EYS: variants seen among roughly 807,000 people sequenced by gnomAD.
EYS encodes protein eyes shut homolog.
In EYS, 250 loss-of-function variants were observed where a neutral mutation model predicts 282.1. That is an observed-to-expected ratio of 0.89 (90% confidence interval 0.80 to 0.98). EYS has a LOEUF of 0.98. EYS is among the 50% of genes least tolerant of loss of function. EYS has a pLI of 0.00. For missense variants in EYS, 4,016 were observed against 3,709.0 expected, an observed-to-expected ratio of 1.08 and a Z score of -2.15; for synonymous variants, 1,355 against 1,282.9, an observed-to-expected ratio of 1.06 and a Z score of -1.20.
intron 5 of EYS, among the ~76,000 whole-genome samples, chr6:65,406,873 T>G (rs946908928): frequency 6.6e-6 from 1 of 152,182 alleles, no homozygotes; most frequent in Non-Finnish European, 1.5e-5. Context: ...AGCTATATAG[T>G]AGGTTTTGAA....
intron 22 of EYS, among the ~76,000 whole-genome samples, chr6:64,788,675 C>G (rs1004392066): frequency 2.0e-5 from 3 of 152,130 alleles, no homozygotes; most frequent in Non-Finnish European, 4.4e-5. Flanking sequence ...GTCTCCAATT[C>G]TCCATCTTTT....
chr6:64,243,937 T>G (rs1766921757), intron 30 of EYS, among the ~76,000 whole-genome samples: 1 of 152,188 alleles, frequency 6.6e-6, no homozygotes, highest in Non-Finnish European at 1.5e-5. Context: ...AATATCATCA[T>G]ACAAATATCT....
intron 13 of EYS, among the ~76,000 whole-genome samples, chr6:64,999,554 C>T (rs554647242): frequency 1.3e-5 from 2 of 152,254 alleles, no homozygotes; most frequent in African/African-American, 2.4e-5. Flanking sequence ...TGCCTTTATG[C>T]CAGAATGTTG....
intron 15 of EYS, among the ~76,000 whole-genome samples, chr6:64,925,636 G>A (rs761100400): frequency 6.6e-6 from 1 of 152,166 alleles, no homozygotes; most frequent in Non-Finnish European, 1.5e-5. Flanking sequence ...TTATAGGTGA[G>A]AGCCAGATGG....
chr6:65,628,906 T>C (rs1450542596), intron 2 of EYS, among the ~76,000 whole-genome samples: 1 of 152,234 alleles, frequency 6.6e-6, no homozygotes, highest in Non-Finnish European at 1.5e-5. Flanking sequence ...AATAATTCAA[T>C]GGTTTTCATG....
chr6:65,378,625 G>C (rs1047498678), intron 8 of EYS, among the ~76,000 whole-genome samples: 35 of 152,092 alleles, frequency 2.3e-4, no homozygotes, highest in African/African-American at 8.5e-4. Context: ...CAAAGACTTG[G>C]AACCAACCCA....
At chr6:64,314,864 C>T (rs926774194) in intron 29 of EYS, among the ~76,000 whole-genome samples, 1 of 151,934 alleles carries the variant, frequency 6.6e-6, no homozygotes, top group Admixed American at 6.6e-5. Context: ...ATTAAAAGAA[C>T]TAGAGAAGCA....
At chr6:64,950,835 T>TATATATATATATATATATATATA (rs1562272809) in intron 14 of EYS, among the ~76,000 whole-genome samples, 1 of 50,172 alleles carries the variant, frequency 2.0e-5, no homozygotes, top group Admixed American at 2.5e-4. Context: ...ATATATATAT[T>TATATATATATATATATATATATA]GTTGAATTGT....
At chr6:64,177,858 A>T (rs1764681342) in intron 31 of EYS, among the ~76,000 whole-genome samples, 1 of 152,142 alleles carries the variant, frequency 6.6e-6, no homozygotes, top group South Asian at 2.1e-4. Flanking sequence ...TCTGTCCAGA[A>T]GGTTTTCCCC....
At chr6:63,789,760 C>A (rs997773552) in intron 37 of EYS, among the ~76,000 whole-genome samples, 1 of 152,204 alleles carries the variant, frequency 6.6e-6, no homozygotes, top group African/African-American at 2.4e-5. Flanking sequence ...TCTGTGTTCC[C>A]TCTTCTCTCT....
At chr6:64,822,509 C>T (rs1273119444) in intron 20 of EYS, 142 bp downstream of exon 20, 1 of 668,726 alleles carries the variant, frequency 1.5e-6, no homozygotes, top group African/African-American at 1.9e-5. Context: ...CTGGCAGCAT[C>T]TGTCATCTTA....
chr6:65,143,856 C>A (rs572454545), intron 12 of EYS, among the ~76,000 whole-genome samples: 1 of 152,184 alleles, frequency 6.6e-6, no homozygotes, highest in Admixed American at 6.6e-5. Context: ...CTGCCTACAG[C>A]AAGTAGTCAT....
chr6:64,902,572 G>C, intron 16 of EYS, 72 bp from the exon 17 acceptor site: 1 of 863,700 alleles, frequency 1.2e-6, no homozygotes, highest in Non-Finnish European at 1.7e-6. Flanking sequence ...ATCAGTGGTA[G>C]TCTAAAGAAT....
At chr6:65,248,260 GAATGTATC>G (rs1332304779) in intron 12 of EYS, among the ~76,000 whole-genome samples, 1 of 152,040 alleles carries the variant, frequency 6.6e-6, no homozygotes, top group African/African-American at 2.4e-5. Context: ...ATAACACTGA[GAATGTATC>G]AATGTATCAT....
intron 12 of EYS, among the ~76,000 whole-genome samples, chr6:65,203,336 A>G (rs1028495126): frequency 6.6e-6 from 1 of 152,134 alleles, no homozygotes; most frequent in Admixed American, 6.5e-5. Flanking sequence ...AGGGAACTAG[A>G]TATGCAACCC....
At chr6:64,833,706 C>T (rs1332148607) in intron 19 of EYS, among the ~76,000 whole-genome samples, 2 of 151,778 alleles carry the variant, frequency 1.3e-5, no homozygotes, top group Non-Finnish European at 2.9e-5. Flanking sequence ...ATGAGTCAGG[C>T]TTTAATTGCC....
intron 29 of EYS, among the ~76,000 whole-genome samples, chr6:64,312,038 C>G (rs1284263846): frequency 6.7e-6 from 1 of 148,244 alleles, no homozygotes; most frequent in African/African-American, 2.5e-5. Flanking sequence ...GAAGCATTCA[C>G]TCCCCTGCAA....
chr6:65,019,158 C>T (rs1383954632), intron 13 of EYS, among the ~76,000 whole-genome samples: 2 of 152,102 alleles, frequency 1.3e-5, no homozygotes, highest in African/African-American at 4.8e-5. Flanking sequence ...ATAATAATTT[C>T]AGTCTAATAG....
chr6:64,681,335 T>C lies in EYS; in HGVS notation c.3444-55090A>G, dbSNP rs564390891. Among the ~76,000 whole-genome samples the C allele has an allele frequency of 2.0e-5, 3 of 152,242 alleles. No individual in the cohort carries two copies. The East Asian group carries it at 5.8e-4, about 29-fold the overall frequency. On this transcript the variant is annotated intron_variant, in intron 22 of 42. Coordinates refer to ENST00000503581, the MANE Select transcript of EYS (RefSeq NM_001142800.2). ...ATTTCTGGTCCCCCGTGCCCTTTTGTGTTTGGGTTGCTAGAGATCAAGTAC... is the reference window on the plus strand; with the variant it reads ...ATTTCTGGTCCCCCGTGCCCTTTTGCGTTTGGGTTGCTAGAGATCAAGTAC...
Sources: gnomAD v4.1 joint callset for allele counts (sites outside exome capture counted in the v4.1 genomes callset) on GRCh38, gnomAD v4.1.1 for gene constraint, MANE v1.5 for transcripts, NCBI Gene and HGNC (gene_info 2026-07-23, HGNC 2026-07-21) for gene names.